The following ROBO1 variants were observed in gnomAD, a reference collection of about 807,000 sequenced individuals.
ROBO1 encodes the protein roundabout homolog 1.
In ROBO1, 149 loss-of-function variants were observed where a neutral mutation model predicts 195.9. The observed-to-expected ratio is 0.76, with a 90% confidence interval of 0.67 to 0.87. The LOEUF (loss-of-function observed/expected upper bound fraction) is 0.87. Ranked by LOEUF, ROBO1 falls within the 40% of genes least tolerant of loss-of-function variation. The pLI, the probability that ROBO1 is intolerant of heterozygous loss-of-function variation, is 0.00. For synonymous variants in ROBO1, 816 were observed against 733.2 expected, an observed-to-expected ratio of 1.11 and a Z score of -1.82; for missense variants, 1,933 against 2,068.3, an observed-to-expected ratio of 0.93 and a Z score of 1.27.
At chr3:78,673,427 A>AAT (rs753192135) in intron 10 of ROBO1, among the ~76,000 whole-genome samples, 137 of 143,542 alleles carry the variant, frequency 9.5e-4, no homozygotes, top group Middle Eastern at 3.7e-3. Context: ...ACCTGTTATA[A>AAT]ATATATATAT....
intron 2 of ROBO1, among the ~76,000 whole-genome samples, chr3:79,450,356 G>C (rs1451049216): frequency 6.6e-6 from 1 of 151,462 alleles, no homozygotes; most frequent in Non-Finnish European, 1.5e-5. Flanking sequence ...GGGATGAAGG[G>C]AGAAAGGAAG....
intron 2 of ROBO1, among the ~76,000 whole-genome samples, chr3:79,364,917 G>A (rs951296303): frequency 1.3e-5 from 2 of 152,126 alleles, no homozygotes; most frequent in Non-Finnish European, 2.9e-5. Flanking sequence ...AAAGCCATAA[G>A]ACTACATTTT....
rs180750273 is a variant in ROBO1 at position 78,851,609 on chromosome 3, C to T, written c.499+86992G>A. Among the ~76,000 whole-genome samples, 464 of 152,226 alleles carry T rather than the reference C, an allele frequency of 3.0e-3. 1 individual carries two copies. Among genetic ancestry groups the T allele is most frequent in the Non-Finnish European group, 4.5e-3 (309 of 68,008 alleles). On this transcript the variant is annotated intron_variant, in intron 4 of 30. Coordinates refer to ENST00000464233, the MANE Select transcript of ROBO1 (RefSeq NM_002941.4). The stretch of plus-strand genomic sequence containing the variant: ...TATTAAATATGGTTAATAATTCTCA[C>T]AGATAAACTATAAAAATTTATTCAG...
At chr3:79,089,975 T>A (rs1472439910) in intron 3 of ROBO1, among the ~76,000 whole-genome samples, 1 of 150,436 alleles carries the variant, frequency 6.6e-6, no homozygotes, top group East Asian at 2.0e-4. Context: ...AGTCTTCCTC[T>A]GTTGCCCAGG....
At chr3:79,729,739 A>G (rs965311792) in intron 1 of ROBO1, among the ~76,000 whole-genome samples, 2 of 152,186 alleles carry the variant, frequency 1.3e-5, no homozygotes, top group Non-Finnish European at 2.9e-5. Context: ...TATACACACA[A>G]ACTGTTTGCC....
intron 2 of ROBO1, among the ~76,000 whole-genome samples, chr3:79,174,274 A>G (rs1576772521): frequency 6.6e-6 from 1 of 152,038 alleles, no homozygotes; most frequent in African/African-American, 2.4e-5. Flanking sequence ...CAGCGAGCCC[A>G]CGAGCCCACT....
chr3:79,664,161 A>C (rs949242142), intron 1 of ROBO1, among the ~76,000 whole-genome samples: 2 of 152,110 alleles, frequency 1.3e-5, no homozygotes, highest in African/African-American at 4.8e-5. Context: ...TTTTATTTTA[A>C]TGTGTCTTTC....
chr3:78,855,190 T>C (rs1444284040), intron 4 of ROBO1, among the ~76,000 whole-genome samples: 1 of 152,122 alleles, frequency 6.6e-6, no homozygotes, highest in Non-Finnish European at 1.5e-5. Flanking sequence ...CTTGATCACT[T>C]ACGCTGATTT....
At chr3:79,425,935 G>A (rs975993093) in intron 2 of ROBO1, among the ~76,000 whole-genome samples, 2 of 152,034 alleles carry the variant, frequency 1.3e-5, no homozygotes, top group Non-Finnish European at 2.9e-5. Context: ...CCACATTGTG[G>A]CTTCAGCTGT....
chr3:79,731,289 T>C (rs1402068584), intron 1 of ROBO1, among the ~76,000 whole-genome samples: 17 of 152,180 alleles, frequency 1.1e-4, no homozygotes, highest in Non-Finnish European at 1.6e-4. Flanking sequence ...CAATTAATTG[T>C]ATGGTATTTT....
At chr3:79,486,570 A>G (rs1441814112) in intron 2 of ROBO1, among the ~76,000 whole-genome samples, 1 of 152,184 alleles carries the variant, frequency 6.6e-6, no homozygotes, top group African/African-American at 2.4e-5. Context: ...GGTTACATGA[A>G]CAAATTAACA....
At chr3:79,354,572 A>G (rs1434650603) in intron 2 of ROBO1, among the ~76,000 whole-genome samples, 6 of 152,076 alleles carry the variant, frequency 3.9e-5, no homozygotes, top group Admixed American at 6.5e-5. Context: ...GGATTATATC[A>G]CTCAAATATG....
chr3:79,378,113 A>G (rs2036446832), intron 2 of ROBO1, among the ~76,000 whole-genome samples: 1 of 151,542 alleles, frequency 6.6e-6, no homozygotes, highest in African/African-American at 2.4e-5. Context: ...TGTTCTTTTA[A>G]GTTATGCATT....
At chr3:79,584,231 CAT>C (rs1224500797) in intron 2 of ROBO1, among the ~76,000 whole-genome samples, 1 of 143,972 alleles carries the variant, frequency 6.9e-6, no homozygotes, top group Non-Finnish European at 1.5e-5. Flanking sequence ...GATATACATG[CAT>C]ATGTTACATA....
At chr3:79,434,850 T>C (rs1005813431) in intron 2 of ROBO1, among the ~76,000 whole-genome samples, 1 of 152,150 alleles carries the variant, frequency 6.6e-6, no homozygotes, top group Non-Finnish European at 1.5e-5. Flanking sequence ...TAAAAAAATA[T>C]GGCACATATA....
chr3:78,885,909 T>TTATATATATATATATATA lies in ROBO1; in HGVS notation c.499+52674_499+52691dup, dbSNP rs10651992. 1.8e-3 allele frequency among the ~76,000 whole-genome samples: 208 copies of TTATATATATATATATATA among 117,690 alleles called. 1 individual carries two copies. The highest frequency in any genetic ancestry group is 3.6e-3 in the African/African-American group (107 of 29,646). 77.2% of individuals were successfully genotyped at this position (117,690 alleles called of 152,430 possible). ...AGACCCTACTACTGATAGCAAAATT[T>TTATATATATATATATATA]TATATATATATATATATATATATAT... On this transcript the variant is annotated intron_variant, in intron 4 of 30. Transcript: ENST00000464233.
At chr3:78,884,578 A>C (rs936683019) in intron 4 of ROBO1, among the ~76,000 whole-genome samples, 22 of 150,740 alleles carry the variant, frequency 1.5e-4, no homozygotes, top group African/African-American at 5.4e-4. Context: ...AGAAAGAAAG[A>C]GAGAAAGGGA....
At chr3:78,950,924 C>G (rs1293103987) in intron 3 of ROBO1, among the ~76,000 whole-genome samples, 1 of 151,804 alleles carries the variant, frequency 6.6e-6, no homozygotes, top group Non-Finnish European at 1.5e-5. Flanking sequence ...ATTCTGAGAA[C>G]CTCAATTCCT....
chr3:79,100,425 T>C (rs1257648489), intron 3 of ROBO1, among the ~76,000 whole-genome samples: 1 of 151,734 alleles, frequency 6.6e-6, no homozygotes, highest in Non-Finnish European at 1.5e-5. Context: ...TACTATTTAT[T>C]TATACTGCTT....
Sources: allele counts gnomAD v4.1 joint callset (sites outside exome capture counted in the v4.1 genomes callset), GRCh38; gene constraint gnomAD v4.1.1; transcripts MANE v1.5; gene names NCBI Gene and HGNC (gene_info 2026-07-23, HGNC 2026-07-21).